DPRX: variants seen among roughly 807,000 people sequenced by gnomAD.
DPRX encodes divergent paired-related homeobox.
In DPRX, 11 loss-of-function variants were observed where a neutral mutation model predicts 8.4. That is an observed-to-expected ratio of 1.31 (90% CI 0.82 to 2.17). DPRX has a LOEUF of 2.17. Among genes scored for constraint, DPRX ranks in the 30% most tolerant of loss-of-function variants. The pLI is 0.00. For missense variants in DPRX, 211 were observed against 236.7 expected (o/e 0.89, Z 0.71); for synonymous variants, 72 against 87.0 (o/e 0.83, Z 0.96).
At chr19:53,609,446 G>A in the DPRX span, among the ~76,000 whole-genome samples, 183 of 111,988 alleles carry the variant, frequency 1.6e-3, no homozygotes, top group African/African-American at 5.8e-3. Flanking sequence ...TAGCCTGGGC[G>A]ACAGAGCGAG....
chr19:53,602,126 A>G, the DPRX span: 2 of 456,586 alleles, frequency 4.4e-6, no homozygotes, highest in African/African-American at 2.0e-5. Flanking sequence ...GTTTGGGCCA[A>G]TGGGCCAATA....
the DPRX span, chr19:53,601,881 TC>T: frequency 4.9e-5 from 19 of 389,142 alleles, 1 homozygote; most frequent in South Asian, 3.6e-4. Flanking sequence ...CCATGAACAG[TC>T]CATTGGTTTT....
the DPRX span, among the ~76,000 whole-genome samples, chr19:53,613,088 G>A: frequency 6.6e-6 from 1 of 152,158 alleles, no homozygotes; most frequent in Non-Finnish European, 1.5e-5. Context: ...CTCACTTTGG[G>A]AAAGACAGTT....
the DPRX span, among the ~76,000 whole-genome samples, chr19:53,623,314 T>TAAAAATA: frequency 9.5e-6 from 1 of 105,598 alleles, no homozygotes; most frequent in African/African-American, 4.2e-5. Context: ...CTCAAAAAAA[T>TAAAAATA]AAATAAATAA....
chr19:53,634,197 G>A (rs1445829595), intron 1 of DPRX, among the ~76,000 whole-genome samples: 3 of 152,070 alleles, frequency 2.0e-5, no homozygotes, highest in Non-Finnish European at 2.9e-5. Context: ...TTGGGAGGCC[G>A]AGGCGGGTGG....
chr19:53,602,267 G>GGGGTGT, the DPRX span: 16 of 277,306 alleles, frequency 5.8e-5, no homozygotes, highest in Non-Finnish European at 9.9e-5. Flanking sequence ...TATGGGTATG[G>GGGGTGT]GTGTGTGTGT....
chr19:53,603,746 CTTT>C, the DPRX span, among the ~76,000 whole-genome samples: 2 of 140,392 alleles, frequency 1.4e-5, no homozygotes, highest in East Asian at 2.1e-4. Flanking sequence ...TCTTTTCTTT[CTTT>C]TTTTTTTTTT....
chr19:53,627,645 G>T (rs997650180), upstream of DPRX, among the ~76,000 whole-genome samples: 2 of 150,508 alleles, frequency 1.3e-5, no homozygotes, highest in South Asian at 4.2e-4. Flanking sequence ...CGCCACGTTG[G>T]CCTGGCTGGT....
At chr19:53,608,242 A>T in the DPRX span, 4 of 151,810 alleles carry the variant, frequency 2.6e-5, no homozygotes, top group East Asian at 1.9e-4. Flanking sequence ...AAATAAAAAA[A>T]AATAAAATAA....
intron 2 of DPRX, 82 bp from the exon 3 acceptor site, chr19:53,636,514 A>T (rs910146732): frequency 8.6e-7 from 1 of 1,157,766 alleles, no homozygotes. Context: ...ACAAAATAAA[A>T]ATTAAAAAGT....
chr19:53,616,043 A>G, the DPRX span, among the ~76,000 whole-genome samples: 1 of 152,220 alleles, frequency 6.6e-6, no homozygotes, highest in South Asian at 2.1e-4. Flanking sequence ...ACCTAAGGTC[A>G]GCAGTTCGAG....
the DPRX span, chr19:53,601,945 A>G: frequency 4.5e-6 from 2 of 445,784 alleles, no homozygotes; most frequent in South Asian, 1.6e-5. Flanking sequence ...AGCTTGAGGC[A>G]TGCAGAGTCC....
chr19:53,626,672 T>C, the DPRX span, among the ~76,000 whole-genome samples: 1 of 152,024 alleles, frequency 6.6e-6, no homozygotes, highest in South Asian at 2.1e-4. Context: ...TGGCAATGAG[T>C]GTTAGTCAAG....
upstream of DPRX, among the ~76,000 whole-genome samples, chr19:53,627,776 T>A (rs991751686): frequency 1.4e-5 from 2 of 147,176 alleles, no homozygotes; most frequent in African/African-American, 5.0e-5. Flanking sequence ...TTTGTCTGGG[T>A]GTGGTGGCTC....
the DPRX span, among the ~76,000 whole-genome samples, chr19:53,617,981 T>C: frequency 1.3e-5 from 2 of 151,536 alleles, no homozygotes; most frequent in Non-Finnish European, 2.9e-5. Context: ...CTACTAAAAA[T>C]ACAAAAATTA....
downstream of DPRX, chr19:53,637,014 A>G (rs755122833): frequency 2.5e-6 from 4 of 1,571,290 alleles, no homozygotes; most frequent in East Asian, 9.0e-5. Context: ...ACATGTTGTA[A>G]TGATGTGTGT....
At chr19:53,633,310 G>A (rs991248690) in intron 1 of DPRX, among the ~76,000 whole-genome samples, 1 of 152,080 alleles carries the variant, frequency 6.6e-6, no homozygotes, top group Non-Finnish European at 1.5e-5. Flanking sequence ...GGTGACATCC[G>A]TGACAGCAGT....
chr19:53,605,654 T>C, the DPRX span, among the ~76,000 whole-genome samples: 3 of 151,590 alleles, frequency 2.0e-5, no homozygotes, highest in South Asian at 2.1e-4. Flanking sequence ...TATTGTATTG[T>C]ATTTATTTTA....
At chr19:53,629,092 T>A (rs2091081578), upstream of DPRX, among the ~76,000 whole-genome samples, 1 of 150,352 alleles carries the variant, frequency 6.7e-6, no homozygotes, top group African/African-American at 2.4e-5. Flanking sequence ...GGCGGGCAGA[T>A]CACTTGAGGC....
Sources: gnomAD v4.1 joint callset for allele counts (sites outside exome capture counted in the v4.1 genomes callset) on GRCh38, gnomAD v4.1.1 for gene constraint, MANE v1.5 for transcripts, NCBI Gene and HGNC (gene_info 2026-07-23, HGNC 2026-07-21) for gene names.